Variants in PICK1 observed in about 807,000 individuals in gnomAD.
The protein encoded by PICK1 is protein interacting with PRKCA 1.
In PICK1, 23 loss-of-function variants were observed where a neutral mutation model predicts 48.9. The observed-to-expected ratio is 0.47, with a 90% CI of 0.34 to 0.67. The LOEUF is 0.67. Ranked by LOEUF, PICK1 falls within the 30% of genes least tolerant of loss-of-function variation. PICK1 has a pLI of 0.01. For missense variants in PICK1, 423 were observed against 557.1 expected, an observed-to-expected ratio of 0.76 and a Z score of 2.42; for synonymous variants, 217 against 228.2, an observed-to-expected ratio of 0.95 and a Z score of 0.44.
intron 6 of PICK1, among the ~76,000 whole-genome samples, chr22:38,070,258 G>A (rs1368091889): frequency 6.6e-6 from 1 of 152,230 alleles, no homozygotes; most frequent in Non-Finnish European, 1.5e-5. Flanking sequence ...CCATCACACT[G>A]CTGTCCATCG....
chr22:38,069,346 G>GTC (rs2145875230), intron 6 of PICK1, among the ~76,000 whole-genome samples: 1 of 152,282 alleles, frequency 6.6e-6, no homozygotes, highest in East Asian at 1.9e-4. Context: ...TGCCCCTCAG[G>GTC]TCACAGATGG....
chr22:38,057,452 A>G lies in PICK1; in HGVS notation c.-193A>G. ...GGAACGGCAGGTGGGTTCAGGTACC[A>G]GCCTGGCCGGGACCCGGCTGTGGGA... On this transcript the variant is annotated 5_prime_UTR_variant, in exon 1 of 13. Coordinates refer to ENST00000356976, the MANE Select transcript of PICK1 (RefSeq NM_012407.4). 3.0e-6 allele frequency: 1 copy of G among 338,310 alleles called. No homozygotes were observed. The allele number at this position is 338,310 out of a possible 1,614,324, so 21.0% of individuals were successfully genotyped here.
Position 38,069,030 on chromosome 22 carries a change from C to T in PICK1, c.350-3C>T. On this transcript the variant is annotated splice_polypyrimidine_tract_variant and splice_region_variant and intron_variant, in intron 5 of 12. Coordinates refer to ENST00000356976, the MANE Select transcript of PICK1 (RefSeq NM_012407.4). ...CTCACCAGGTCCTTTGTCCCCCGCT[C>T]AGTGTTGAAGAAAGTCAAGCACCGG... The T allele has an allele frequency of 2.5e-6, 4 of 1,611,834 alleles. No homozygotes were observed. The highest frequency in any genetic ancestry group is 2.5e-6 in the Non-Finnish European group (3 of 1,178,674).
chr22:38,065,357 T>C, intron 4 of PICK1: 1 of 516,854 alleles, frequency 1.9e-6, no homozygotes, highest in South Asian at 1.8e-5. Flanking sequence ...GGCAAGAGAG[T>C]GGGCAGCAAG....
rs542318654 is a variant in PICK1 at position 38,063,199 on chromosome 22, C to T, written c.154-1803C>T. On this transcript the variant is annotated intron_variant, in intron 3 of 12. Transcript: ENST00000356976. ...TGAGACAGGATCTTGCTCTGTCGCCCAGGCTGGAGTGCAGGGGTGCGATCA... is the reference window on the plus strand; with the variant it reads ...TGAGACAGGATCTTGCTCTGTCGCCTAGGCTGGAGTGCAGGGGTGCGATCA... Among the ~76,000 whole-genome samples, 4 of 151,842 alleles carry T rather than the reference C, an allele frequency of 2.6e-5. No homozygotes were observed. The East Asian group carries it at 7.7e-4, about 29-fold the overall frequency.
intron 8 of PICK1, 136 bp downstream of exon 8, chr22:38,071,880 A>G (rs892368937): frequency 1.3e-6 from 1 of 772,718 alleles, no homozygotes; most frequent in Non-Finnish European, 2.3e-6. Context: ...AGGTGCTGGG[A>G]TTTGCGATGG....
In PICK1 at chr22:38,057,574, C is replaced by A. The variant is rs893530047; in HGVS notation, c.-71C>A. The A allele has an allele frequency of 1.7e-5, 10 of 579,394 alleles. No individual in the cohort carries two copies. The Admixed American group carries it at 2.4e-4, about 14-fold the overall frequency. 35.9% of individuals were successfully genotyped at this position (579,394 alleles called of 1,614,324 possible). On this transcript the variant is annotated 5_prime_UTR_variant, in exon 1 of 13. Coordinates refer to ENST00000356976, the MANE Select transcript of PICK1 (RefSeq NM_012407.4). Reference sequence around the variant, plus strand: ...GAGCCTATCGCCCTGGCCTGGAGCCCCCCTTTGTACCTAGTAAGAATCACC... The same window carrying A: ...GAGCCTATCGCCCTGGCCTGGAGCCACCCTTTGTACCTAGTAAGAATCACC...
intron 4 of PICK1, chr22:38,065,337 G>T (rs1434722768): frequency 7.1e-6 from 4 of 562,676 alleles, no homozygotes; most frequent in East Asian, 3.5e-5. Context: ...CAGGACTTGT[G>T]CTGAACCTTG....
chr22:38,072,671 A>C, intron 9 of PICK1, 61 bp downstream of exon 9: 1 of 1,601,204 alleles, frequency 6.2e-7, no homozygotes. Context: ...AGAGTGTGGC[A>C]TGCAGAGAAG....
chr22:38,059,148 T>G, intron 2 of PICK1, 86 bp from the exon 3 acceptor site: 1 of 918,974 alleles, frequency 1.1e-6, no homozygotes, highest in Non-Finnish European at 1.8e-6. Context: ...GGGCAGCCAG[T>G]GGAGCCCCTC....
intron 3 of PICK1, among the ~76,000 whole-genome samples, chr22:38,064,686 G>A (rs960375705): frequency 6.6e-6 from 1 of 152,136 alleles, no homozygotes; most frequent in African/African-American, 2.4e-5. Context: ...GCTTGAACCC[G>A]GGAGGCGGAG....
rs1385689259 is a variant in PICK1, at chr22:38,074,997, T to C, written c.1113T>C (p.Tyr371=). The C allele has an allele frequency of 1.2e-6, 2 of 1,613,656 alleles. No individual in the cohort carries two copies. The highest frequency in any genetic ancestry group is 1.7e-6 in the Non-Finnish European group (2 of 1,180,004). The change falls in exon 13 of 13, where the codon TAT becomes TAC. Residue 371 remains tyrosine, a synonymous_variant. Transcript: ENST00000356976. This position sits in a 1 kb window ranked among gnomAD's most constrained non-coding sequence, Gnocchi z 4.5. Reference sequence around the variant, plus strand: ...ACCTGGCGCACACCACATTGGCCTATGGCCTCAACCAGGAGGAGTTCACAG... The same window carrying C: ...ACCTGGCGCACACCACATTGGCCTACGGCCTCAACCAGGAGGAGTTCACAG... ...EVDLAHTTLA[Y]GLNQEEFTDG... is the part of the protein sequence containing the mutation.
chr22:38,060,159 T>A (rs763525792), intron 3 of PICK1, among the ~76,000 whole-genome samples: 5 of 152,162 alleles, frequency 3.3e-5, no homozygotes, highest in Non-Finnish European at 7.3e-5. Flanking sequence ...TGCAGTGAGC[T>A]GAGATCACGC....
intron 4 of PICK1, 21 bp from the exon 5 acceptor site, chr22:38,067,683 C>G: frequency 2.5e-6 from 4 of 1,609,806 alleles, no homozygotes; most frequent in Non-Finnish European, 3.4e-6. Flanking sequence ...GCTCACTAGT[C>G]TGTGTGTGCT....
Position 38,063,557 on chromosome 22 carries a change from G to A in PICK1, c.154-1445G>A, listed in dbSNP as rs140849631. Among the ~76,000 whole-genome samples the A allele has an allele frequency of 1.6e-3, 249 of 151,950 alleles. 1 individual carries two copies. The highest frequency in any genetic ancestry group is 2.2e-3 in the Admixed American group (34 of 15,262). ...GTTTTAGGAATTCTGCATATATTCT[G>A]GATATTAATCCCTTATCAAAAATGT... On this transcript the variant is annotated intron_variant, in intron 3 of 12. Transcript: ENST00000356976.
At chr22:38,069,486 A>G (rs1323681760) in intron 6 of PICK1, among the ~76,000 whole-genome samples, 1 of 152,166 alleles carries the variant, frequency 6.6e-6, no homozygotes, top group East Asian at 1.9e-4. Context: ...TTGCCTCTGC[A>G]GGTCCTCCCT....
At chr22:38,068,105 A>T in intron 5 of PICK1, 1 of 495,620 alleles carries the variant, frequency 2.0e-6, no homozygotes, top group Non-Finnish European at 4.1e-6. Context: ...CCAGGGCCTC[A>T]CTCTTCATAA....
Position 38,073,165 on chromosome 22 carries a change from T to C in PICK1, c.783+73T>C. 9.5e-7 allele frequency: 1 copy of C among 1,050,442 alleles called. No individual in the cohort carries two copies. The highest frequency in any genetic ancestry group is 1.3e-5 in the South Asian group (1 of 79,808). The allele number at this position is 1,050,442 out of a possible 1,614,324, so 65.1% of individuals were successfully genotyped here. A position where few individuals can be genotyped will look rare whatever the true frequency, so the allele number is the denominator to read the frequency against. On this transcript the variant is annotated intron_variant, in intron 10 of 12. Transcript: ENST00000356976. The surrounding 1 kb of genome is among the most constrained non-coding windows in gnomAD (Gnocchi z 5.7). ...AGATCTGCCCCACTTCAGTCAGCCA[T>C]GCTGCGGCCAGCGAGGCCAGCCAGA...
Position 38,074,277 on chromosome 22 carries a change from G to A in PICK1, c.835-30G>A. On this transcript the variant is annotated intron_variant, in intron 11 of 12. Transcript: ENST00000356976. The surrounding 1 kb of genome is among the most constrained non-coding windows in gnomAD (Gnocchi z 4.5). ...CAGTGCGGTGCGAGGCCGTCCCTGA[G>A]CAGGCACTCCTGTCCCACCCCCGCC... 1 of 1,611,774 alleles carries A rather than the reference G, an allele frequency of 6.2e-7. No homozygotes were observed. The highest frequency in any genetic ancestry group is 8.5e-7 in the Non-Finnish European group (1 of 1,179,316).
Sources: gnomAD v4.1 joint callset for allele counts (sites outside exome capture counted in the v4.1 genomes callset) on GRCh38, gnomAD v4.1.1 for gene constraint, Gnocchi (gnomAD v3.1) non-coding constraint, MANE v1.5 for transcripts, NCBI Gene and HGNC (gene_info 2026-07-23, HGNC 2026-07-21) for gene names.